Variants in PDE4D observed in about 807,000 individuals in gnomAD.
The protein encoded by PDE4D is phosphodiesterase 4D, also known as 3',5'-cyclic-AMP phosphodiesterase 4D.
A neutral mutation model predicts 87.4 loss-of-function variants in PDE4D; 24 were observed. That is an observed-to-expected ratio of 0.27 (90% CI 0.20 to 0.39). The LOEUF is 0.39. Among genes scored for constraint, PDE4D ranks in the 10% least tolerant of loss-of-function variants. The probability of loss-of-function intolerance (pLI) is 1.00; values close to 1 mark genes in which losing one functional copy is unlikely to be tolerated. For missense variants in PDE4D, 714 were observed against 1,041.0 expected, an observed-to-expected ratio of 0.69 and a Z score of 4.32; for synonymous variants, 384 against 383.2, an observed-to-expected ratio of 1.00 and a Z score of -0.02.
intron 5 of PDE4D, among the ~76,000 whole-genome samples, chr5:59,069,441 T>C (rs926245875): frequency 6.6e-6 from 1 of 152,186 alleles, no homozygotes; most frequent in Non-Finnish European, 1.5e-5. Flanking sequence ...GTCCTAACAT[T>C]TTGTTCTACC....
intron 1 of PDE4D, among the ~76,000 whole-genome samples, chr5:60,290,962 G>A (rs1188620204): frequency 6.6e-6 from 1 of 152,192 alleles, no homozygotes; most frequent in Non-Finnish European, 1.5e-5. Context: ...AGTAAGTGCT[G>A]TAACACAAAG....
Position 60,100,387 on chromosome 5 carries a change from G to C in PDE4D, c.42+85170C>G, listed in dbSNP as rs190968447. Among the ~76,000 whole-genome samples the C allele has an allele frequency of 1.2e-3, 184 of 151,962 alleles. 1 individual carries two copies. Among genetic ancestry groups the C allele is most frequent in the African/African-American group, 4.3e-3 (177 of 41,488 alleles). ...TAAAGTTTGACTTTTAAGTAATATA[G>C]CTATTTTACCTACCCTCAAAAATAT... On this transcript the variant is annotated intron_variant, in intron 2 of 16. Transcript: ENST00000502484.
At chr5:60,424,087 C>T (rs1192065871) in intron 1 of PDE4D, among the ~76,000 whole-genome samples, 2 of 152,202 alleles carry the variant, frequency 1.3e-5, no homozygotes, top group Non-Finnish European at 2.9e-5. Flanking sequence ...GATGGATTCA[C>T]AGCTGAATTC....
At chr5:59,598,107 CTT>C (rs1354202939) in intron 1 of PDE4D, among the ~76,000 whole-genome samples, 1 of 152,120 alleles carries the variant, frequency 6.6e-6, no homozygotes, top group East Asian at 1.9e-4. Flanking sequence ...GTATCTTATA[CTT>C]TTCTCTCTGG....
intron 1 of PDE4D, among the ~76,000 whole-genome samples, chr5:60,366,578 C>T (rs964839605): frequency 6.6e-6 from 1 of 152,152 alleles, no homozygotes; most frequent in Non-Finnish European, 1.5e-5. Flanking sequence ...TGTCAATGAA[C>T]CTTAGTGGCA....
intron 4 of PDE4D, among the ~76,000 whole-genome samples, chr5:59,181,541 C>CATATATATATATA (rs61135815): frequency 0.019 from 1,128 of 60,590 alleles, 27 homozygotes; most frequent in African/African-American, 0.029. Context: ...TCAAAGATGT[C>CATATATATATATA]TGATATATAT....
At chr5:59,509,636 A>T (rs1809918725) in intron 1 of PDE4D, among the ~76,000 whole-genome samples, 1 of 151,214 alleles carries the variant, frequency 6.6e-6, no homozygotes, top group Non-Finnish European at 1.5e-5. Flanking sequence ...ATATTTGGAA[A>T]ATTTTTTAGG....
chr5:60,447,331 G>A (rs1358974405), intron 1 of PDE4D, among the ~76,000 whole-genome samples: 1 of 152,154 alleles, frequency 6.6e-6, no homozygotes, highest in African/African-American at 2.4e-5. Context: ...TCTGAGATAT[G>A]TCAGCATAGG....
intron 1 of PDE4D, among the ~76,000 whole-genome samples, chr5:60,457,452 T>A (rs1299059194): frequency 6.6e-6 from 1 of 152,176 alleles, no homozygotes; most frequent in South Asian, 2.1e-4. Context: ...CCTTAGAAGT[T>A]AGGCCTTTTG....
At chr5:59,935,925 A>T (rs188987025) in intron 3 of PDE4D, among the ~76,000 whole-genome samples, 57 of 152,334 alleles carry the variant, frequency 3.7e-4, no homozygotes, top group Admixed American at 3.4e-3. Flanking sequence ...ATACCTGTGC[A>T]TGTGTCTTTA....
At chr5:59,359,392 A>G (rs1781867939) in intron 1 of PDE4D, among the ~76,000 whole-genome samples, 1 of 152,158 alleles carries the variant, frequency 6.6e-6, no homozygotes, top group Non-Finnish European at 1.5e-5. Context: ...TTTTTCTTAA[A>G]TAATTACTTA....
At chr5:59,935,863 A>G (rs1391005751) in intron 3 of PDE4D, among the ~76,000 whole-genome samples, 1 of 152,184 alleles carries the variant, frequency 6.6e-6, no homozygotes, top group Non-Finnish European at 1.5e-5. Flanking sequence ...TCATTGGTGG[A>G]CATTTGGGTT....
chr5:59,686,396 C>G (rs1749866231), intron 1 of PDE4D, among the ~76,000 whole-genome samples: 1 of 152,256 alleles, frequency 6.6e-6, no homozygotes, highest in South Asian at 2.1e-4. Context: ...GCTCACACAA[C>G]TAGAAAGTGT....
chr5:59,581,387 A>G (rs769505150), intron 1 of PDE4D, among the ~76,000 whole-genome samples: 30 of 152,218 alleles, frequency 2.0e-4, no homozygotes, highest in Non-Finnish European at 3.5e-4. Flanking sequence ...TAACTCAGTA[A>G]TAGTCAACTA....
chr5:59,529,226 T>A (rs1291378346), intron 1 of PDE4D: 1 of 486,098 alleles, frequency 2.1e-6, no homozygotes, highest in Non-Finnish European at 4.1e-6. Flanking sequence ...GAAGGAAAAT[T>A]GGATGGAACA....
intron 1 of PDE4D, among the ~76,000 whole-genome samples, chr5:60,336,220 G>A (rs78414395): frequency 0.033 from 5,058 of 152,278 alleles, 128 homozygotes; most frequent in Middle Eastern, 0.082. Context: ...CTTTTATGTA[G>A]AGTAAGAAGA....
At position 60,121,603 on chromosome 5, in the gene PDE4D, G is replaced by A. The variant is rs192615162; in HGVS notation, c.42+63954C>T. ...TTCACGACCACGAGAACAGTGTGGA[G>A]GAAACTGCCCCATGATTCTAATTAT... On this transcript the variant is annotated intron_variant, in intron 2 of 16. Coordinates refer to the PDE4D transcript ENST00000502484. Among the ~76,000 whole-genome samples, 12 of 152,122 alleles carry A rather than the reference G, an allele frequency of 7.9e-5. No individual in the cohort carries two copies. The East Asian group carries it at 2.3e-3, about 30-fold the overall frequency.
chr5:59,838,264 C>G (rs1742444933), intron 1 of PDE4D, among the ~76,000 whole-genome samples: 1 of 152,058 alleles, frequency 6.6e-6, no homozygotes, highest in Non-Finnish European at 1.5e-5. Context: ...CAGAACCCTA[C>G]AGTCATGCAG....
At chr5:59,949,249 G>A (rs898253516) in intron 3 of PDE4D, among the ~76,000 whole-genome samples, 2 of 152,064 alleles carry the variant, frequency 1.3e-5, no homozygotes, top group Non-Finnish European at 2.9e-5. Context: ...GGCTATCACG[G>A]TGAAACCCCG....
Sources: gnomAD v4.1 joint callset for allele counts (sites outside exome capture counted in the v4.1 genomes callset) on GRCh38, gnomAD v4.1.1 for gene constraint, MANE v1.5 for transcripts, NCBI Gene and HGNC (gene_info 2026-07-23, HGNC 2026-07-21) for gene names.